Variants in MYO1B observed in about 807,000 individuals in gnomAD.
MYO1B encodes the protein myosin IB.
MYO1B carries 72 observed loss-of-function variants against 159.7 expected under a neutral mutation model. The ratio of observed to expected loss-of-function variants is 0.45; its 90% confidence interval spans 0.37 to 0.55. The LOEUF is 0.55. Among genes scored for constraint, MYO1B ranks in the 20% least tolerant of loss-of-function variants. The pLI, the probability that MYO1B is intolerant of heterozygous loss-of-function variation, is 0.00. For missense variants in MYO1B, 1,062 were observed against 1,364.8 expected, an observed-to-expected ratio of 0.78 and a Z score of 3.50; for synonymous variants, 468 against 473.8, an observed-to-expected ratio of 0.99 and a Z score of 0.16.
chr2:191,340,165 G>T (rs1341493869), intron 4 of MYO1B, among the ~76,000 whole-genome samples: 1 of 152,024 alleles, frequency 6.6e-6, no homozygotes, highest in East Asian at 1.9e-4. Context: ...TCCCAGTTAC[G>T]GAACATTAGA....
intron 13 of MYO1B, among the ~76,000 whole-genome samples, chr2:191,375,742 C>T (rs931665437): frequency 9.2e-5 from 14 of 152,086 alleles, no homozygotes; most frequent in Non-Finnish European, 1.3e-4. Flanking sequence ...GGGCAGATCA[C>T]AAGGTCAGGA....
chr2:191,402,836 C>A, intron 24 of MYO1B, 118 bp downstream of exon 24: 1 of 705,774 alleles, frequency 1.4e-6, no homozygotes, highest in Non-Finnish European at 2.2e-6. Context: ...TGTAGAATGT[C>A]ATCTTGCTTA....
chr2:191,274,136 C>T (rs967470282), intron 1 of MYO1B, among the ~76,000 whole-genome samples: 1 of 149,188 alleles, frequency 6.7e-6, no homozygotes, highest in African/African-American at 2.4e-5. Flanking sequence ...AAAAGATAAA[C>T]AAAACAAAGC....
intron 20 of MYO1B, among the ~76,000 whole-genome samples, chr2:191,396,114 C>G (rs1696056461): frequency 6.6e-6 from 1 of 152,036 alleles, no homozygotes; most frequent in Admixed American, 6.5e-5. Flanking sequence ...GGTTTTCATT[C>G]AATATGCATT....
chr2:191,397,599 C>T (rs1433110014), intron 21 of MYO1B, among the ~76,000 whole-genome samples: 1 of 150,228 alleles, frequency 6.7e-6, no homozygotes, highest in Non-Finnish European at 1.5e-5. Context: ...CTTCTATCCA[C>T]ACAGACCCGG....
At chr2:191,292,531 A>G (rs1318639631) in intron 2 of MYO1B, among the ~76,000 whole-genome samples, 1 of 152,210 alleles carries the variant, frequency 6.6e-6, no homozygotes, top group Non-Finnish European at 1.5e-5. Context: ...GTGAAGACCA[A>G]AGTTTTATCA....
chr2:191,346,541 C>T (rs1403071270), intron 6 of MYO1B, among the ~76,000 whole-genome samples: 1 of 152,036 alleles, frequency 6.6e-6, no homozygotes, highest in African/African-American at 2.4e-5. Context: ...TTAAATGAGG[C>T]TATTTAGAGT....
chr2:191,334,396 G>C (rs1264496361), intron 4 of MYO1B, among the ~76,000 whole-genome samples: 3 of 152,138 alleles, frequency 2.0e-5, no homozygotes, highest in Non-Finnish European at 4.4e-5. Context: ...GAGGTTGCTA[G>C]TGCTGTTTCA....
intron 22 of MYO1B, 88 bp downstream of exon 22, chr2:191,400,556 T>C: frequency 6.7e-7 from 1 of 1,488,984 alleles, no homozygotes. Context: ...AGAAAATGTT[T>C]CACTGGCTTG....
intron 3 of MYO1B, among the ~76,000 whole-genome samples, chr2:191,305,066 C>A (rs1022468284): frequency 7.2e-5 from 11 of 152,224 alleles, no homozygotes; most frequent in African/African-American, 2.7e-4. Context: ...GGAGAAGCAG[C>A]ACTGAGGCCT....
chr2:191,282,014 C>T lies in MYO1B; in HGVS notation c.135+4984C>T, dbSNP rs141786531. 5.6e-4 allele frequency among the ~76,000 whole-genome samples: 85 copies of T among 152,228 alleles called. 1 individual carries two copies. The East Asian group carries it at 0.011, about 19-fold the overall frequency. On this transcript the variant is annotated intron_variant, in intron 2 of 30. Transcript: ENST00000392318. Reference sequence around the variant, plus strand: ...AGATTAGATACTTTTATGAAAGATACTCAAGATATAGTACCATATATTTGA... The same window carrying T: ...AGATTAGATACTTTTATGAAAGATATTCAAGATATAGTACCATATATTTGA...
intron 24 of MYO1B, among the ~76,000 whole-genome samples, chr2:191,407,081 T>C (rs1046976199): frequency 2.0e-5 from 3 of 152,206 alleles, no homozygotes; most frequent in Non-Finnish European, 4.4e-5. Context: ...CTGGCACTTA[T>C]TTTATAGGAC....
intron 3 of MYO1B, 53 bp downstream of exon 3, chr2:191,296,279 T>C (rs1574363526): frequency 9.7e-7 from 1 of 1,034,346 alleles, no homozygotes; most frequent in East Asian, 2.6e-5. Context: ...AGATGTGTAG[T>C]TGACAGATGT....
chr2:191,374,331 T>G (rs1267522368), intron 13 of MYO1B, among the ~76,000 whole-genome samples: 2 of 152,216 alleles, frequency 1.3e-5, no homozygotes, highest in African/African-American at 4.8e-5. Context: ...ATAACATGTA[T>G]TTTTTTATTT....
At chr2:191,302,152 C>T (rs1689374014) in intron 3 of MYO1B, among the ~76,000 whole-genome samples, 2 of 152,218 alleles carry the variant, frequency 1.3e-5, no homozygotes, top group Admixed American at 1.3e-4. Flanking sequence ...CTTGGTCAGC[C>T]CCAGCATAAT....
intron 2 of MYO1B, among the ~76,000 whole-genome samples, chr2:191,277,720 A>G (rs1687835061): frequency 6.6e-6 from 1 of 152,222 alleles, no homozygotes; most frequent in South Asian, 2.1e-4. Flanking sequence ...CTGCAGAAGT[A>G]AAGGTGTACT....
Position 191,317,941 on chromosome 2 carries a change from G to A in MYO1B, c.252-11994G>A, listed in dbSNP as rs539020685. On this transcript the variant is annotated intron_variant, in intron 3 of 30. Coordinates refer to ENST00000392318, the MANE Select transcript of MYO1B (RefSeq NM_001130158.3). ...GCAAGCAAACATAGACTTTGAAAAT[G>A]CCATACATTAATTTTATTTCTTTTT... is the stretch of plus-strand genomic sequence containing the variant. 4.6e-5 allele frequency among the ~76,000 whole-genome samples: 7 copies of A among 152,190 alleles called. No homozygotes were observed. In the South Asian group the frequency reaches 1.5e-3, roughly 32 times the overall value.
At chr2:191,259,895 A>G (rs1686690520) in intron 1 of MYO1B, among the ~76,000 whole-genome samples, 1 of 152,076 alleles carries the variant, frequency 6.6e-6, no homozygotes, top group Non-Finnish European at 1.5e-5. Flanking sequence ...AGCTTCAGGG[A>G]CTGTTGAAAT....
intron 27 of MYO1B, among the ~76,000 whole-genome samples, chr2:191,411,529 G>A (rs1055565261): frequency 3.9e-5 from 6 of 152,088 alleles, no homozygotes; most frequent in Non-Finnish European, 1.5e-5. Context: ...ATTTCTGTTG[G>A]CAATATACTT....
Sources: allele counts gnomAD v4.1 joint callset (sites outside exome capture counted in the v4.1 genomes callset), GRCh38; gene constraint gnomAD v4.1.1; transcripts MANE v1.5; gene names NCBI Gene and HGNC (gene_info 2026-07-23, HGNC 2026-07-21).